The following PARD3 variants were observed in gnomAD, a reference collection of about 807,000 sequenced individuals.
The protein encoded by PARD3 is par-3 family cell polarity regulator, also known as partitioning defective 3 homolog.
PARD3 carries 75 observed loss-of-function variants against 155.4 expected under a neutral mutation model. That is an observed-to-expected ratio of 0.48 (90% confidence interval 0.40 to 0.58). PARD3 has a LOEUF of 0.58. Ranked by LOEUF, PARD3 falls within the 20% of genes least tolerant of loss-of-function variation. The pLI is 0.00. For missense variants in PARD3, 1,642 were observed against 1,721.7 expected (o/e 0.95, Z 0.82); for synonymous variants, 576 against 610.5 (o/e 0.94, Z 0.83).
intron 5 of PARD3, among the ~76,000 whole-genome samples, chr10:34,442,355 G>A (rs1461841114): frequency 2.0e-5 from 3 of 152,106 alleles, no homozygotes; most frequent in East Asian, 1.9e-4. Context: ...GCTCTTCCAC[G>A]GTTTAATGCT....
chr10:34,810,592 C>T (rs1481820651), intron 1 of PARD3, among the ~76,000 whole-genome samples: 1 of 152,210 alleles, frequency 6.6e-6, no homozygotes, highest in Admixed American at 6.5e-5. Flanking sequence ...TGTGGTGCTG[C>T]ACGTCATTCA....
In PARD3 at chr10:34,484,428, C is replaced by T. The variant is rs558006649; in HGVS notation, c.404-14165G>A. On this transcript the variant is annotated intron_variant, in intron 3 of 24. Transcript: ENST00000374788. ...CCTCTGTCAGATTCCATTCCAGATA[C>T]TGCTCTTGTGCTTATTTTCTTCATA... Among the ~76,000 whole-genome samples the T allele has an allele frequency of 2.2e-4, 34 of 152,334 alleles. No homozygotes were observed. In the South Asian group the frequency reaches 3.9e-3, roughly 18 times the overall value.
rs111947634 is a variant in PARD3 at position 34,314,406 on chromosome 10, G to A, written c.3065+2701C>T. Among the ~76,000 whole-genome samples, 210 of 152,258 alleles carry A rather than the reference G, an allele frequency of 1.4e-3. 1 individual carries two copies. The highest frequency in any genetic ancestry group is 4.7e-3 in the African/African-American group (196 of 41,534). The stretch of plus-strand genomic sequence containing the variant: ...ATTCAATAACAAAAAAGCTTATTTC[G>A]TGTTTAATATATTATTCTGAACTCA... On this transcript the variant is annotated intron_variant, in intron 20 of 24. Transcript: ENST00000374788.
chr10:34,595,616 T>C (rs1179059515), intron 2 of PARD3, among the ~76,000 whole-genome samples: 2 of 152,208 alleles, frequency 1.3e-5, no homozygotes, highest in South Asian at 2.1e-4. Flanking sequence ...GAAGGGTGTC[T>C]GGTACTATAA....
chr10:34,247,558 G>C (rs770172308), intron 22 of PARD3, among the ~76,000 whole-genome samples: 1 of 152,020 alleles, frequency 6.6e-6, no homozygotes, highest in African/African-American at 2.4e-5. Context: ...AGTGATGATA[G>C]AATCAGAGGA....
intron 1 of PARD3, among the ~76,000 whole-genome samples, chr10:34,721,888 T>C (rs2094612160): frequency 1.3e-5 from 2 of 152,154 alleles, no homozygotes; most frequent in Non-Finnish European, 2.9e-5. Flanking sequence ...TTTAATATTG[T>C]CTAAACAGGC....
chr10:34,215,743 C>T (rs1356521291), intron 22 of PARD3, among the ~76,000 whole-genome samples: 1 of 152,110 alleles, frequency 6.6e-6, no homozygotes, highest in Non-Finnish European at 1.5e-5. Flanking sequence ...TTCCTTTAAT[C>T]AAAAAAGATA....
At chr10:34,486,085 G>A (rs1037114789) in intron 3 of PARD3, among the ~76,000 whole-genome samples, 1 of 152,026 alleles carries the variant, frequency 6.6e-6, no homozygotes, top group South Asian at 2.1e-4. Flanking sequence ...CACGATGAGT[G>A]GCTAATTTTC....
At chr10:34,457,182 A>C (rs2077382736) in intron 4 of PARD3, among the ~76,000 whole-genome samples, 1 of 152,194 alleles carries the variant, frequency 6.6e-6, no homozygotes, top group East Asian at 1.9e-4. Flanking sequence ...ATGAACATAA[A>C]GGGATCCAAT....
chr10:34,375,538 A>AT (rs1841142356), intron 10 of PARD3, among the ~76,000 whole-genome samples: 1 of 152,168 alleles, frequency 6.6e-6, no homozygotes. Context: ...ACAAAACAAT[A>AT]TTTTTTAGCA....
intron 20 of PARD3, among the ~76,000 whole-genome samples, chr10:34,291,918 G>A (rs1331960072): frequency 6.6e-6 from 1 of 152,150 alleles, no homozygotes; most frequent in Non-Finnish European, 1.5e-5. Context: ...CATTGCCGGT[G>A]GAAATTAGGT....
chr10:34,133,826 T>C (rs1947744767), intron 22 of PARD3, among the ~76,000 whole-genome samples: 1 of 152,240 alleles, frequency 6.6e-6, no homozygotes. Context: ...AAATATGGAA[T>C]AGTCTTTCAT....
At chr10:34,511,549 T>A (rs1035520388) in intron 3 of PARD3, among the ~76,000 whole-genome samples, 1 of 152,150 alleles carries the variant, frequency 6.6e-6, no homozygotes, top group African/African-American at 2.4e-5. Flanking sequence ...CATCCTCACA[T>A]GACAAAGCGA....
chr10:34,719,797 A>G (rs373549119), intron 1 of PARD3, among the ~76,000 whole-genome samples: 4 of 152,314 alleles, frequency 2.6e-5, no homozygotes, highest in East Asian at 3.9e-4. Flanking sequence ...AATATTACCA[A>G]TGTGATATGA....
intron 3 of PARD3, among the ~76,000 whole-genome samples, chr10:34,497,326 TTG>T (rs1266456709): frequency 6.6e-6 from 1 of 152,224 alleles, no homozygotes; most frequent in Admixed American, 6.5e-5. Flanking sequence ...AGCGTTTACA[TTG>T]TGTTAGGCCT....
chr10:34,382,995 G>C (rs1007170069), intron 8 of PARD3, 73 bp from the exon 9 acceptor site: 22 of 1,476,658 alleles, frequency 1.5e-5, no homozygotes, highest in Non-Finnish European at 2.0e-5. Context: ...GCTTAATTAA[G>C]TTTACTAATT....
At chr10:34,641,694 G>T (rs758429118) in intron 2 of PARD3, among the ~76,000 whole-genome samples, 2 of 152,152 alleles carry the variant, frequency 1.3e-5, no homozygotes, top group Non-Finnish European at 2.9e-5. Flanking sequence ...ACGCATGGCT[G>T]GGTGAGCTGT....
At chr10:34,305,876 C>T (rs1442990183) in intron 20 of PARD3, among the ~76,000 whole-genome samples, 2 of 152,164 alleles carry the variant, frequency 1.3e-5, no homozygotes, top group African/African-American at 4.8e-5. Flanking sequence ...GTCCCAGCTA[C>T]TCAGGAGACT....
intron 12 of PARD3, among the ~76,000 whole-genome samples, chr10:34,366,882 G>C (rs574010665): frequency 4.6e-4 from 70 of 152,168 alleles, no homozygotes; most frequent in Middle Eastern, 3.4e-3. Flanking sequence ...GAACATTTCT[G>C]TATGTTATTT....
Sources: gnomAD v4.1 joint callset for allele counts (sites outside exome capture counted in the v4.1 genomes callset) on GRCh38, gnomAD v4.1.1 for gene constraint, MANE v1.5 for transcripts, NCBI Gene and HGNC (gene_info 2026-07-23, HGNC 2026-07-21) for gene names.